Variants in MCTP1 observed in about 807,000 individuals in gnomAD.
MCTP1 encodes the protein multiple C2 and transmembrane domain containing 1.
Under a neutral mutation model 120.6 loss-of-function variants are expected in MCTP1, and 69 were observed. That is an observed-to-expected ratio of 0.57 (90% CI 0.47 to 0.70). The LOEUF is 0.70. MCTP1 is among the 30% of genes least tolerant of loss of function. The probability of loss-of-function intolerance (pLI) is 0.00; values close to 1 mark genes in which losing one functional copy is unlikely to be tolerated. For synonymous variants in MCTP1, 529 were observed against 493.1 expected (o/e 1.07, Z -0.96); for missense variants, 1,203 against 1,248.8 (o/e 0.96, Z 0.55).
intron 19 of MCTP1, among the ~76,000 whole-genome samples, chr5:94,755,656 G>A (rs1005103129): frequency 3.9e-5 from 6 of 152,094 alleles, no homozygotes; most frequent in Non-Finnish European, 7.4e-5. Flanking sequence ...GGGACCCTTC[G>A]GATTCCCCTC....
At chr5:95,212,858 G>A (rs961178319) in intron 1 of MCTP1, among the ~76,000 whole-genome samples, 5 of 152,100 alleles carry the variant, frequency 3.3e-5, no homozygotes, top group African/African-American at 9.7e-5. Flanking sequence ...TTCACGGGAC[G>A]TATCTCAAAA....
Position 94,985,627 on chromosome 5 carries a change from A to C in MCTP1, c.838+31740T>G. On this transcript the variant is annotated intron_variant, in intron 2 of 22. Transcript: ENST00000515393. Reference sequence around the variant, plus strand: ...GTGATTATGACAAAGTTACTTCATAACTCTTAAAATATGTGAAGTGGGCCT... The same window carrying C: ...GTGATTATGACAAAGTTACTTCATACCTCTTAAAATATGTGAAGTGGGCCT... Among the ~76,000 whole-genome samples, 2 of 152,102 alleles carry C rather than the reference A, an allele frequency of 1.3e-5. 1 individual carries two copies. Among genetic ancestry groups the C allele is most frequent in the African/African-American group, 4.8e-5 (2 of 41,416 alleles).
At chr5:94,970,785 C>T (rs1272711315) in intron 2 of MCTP1, among the ~76,000 whole-genome samples, 1 of 151,866 alleles carries the variant, frequency 6.6e-6, no homozygotes, top group East Asian at 1.9e-4. Context: ...AGAACTTTAA[C>T]TTTCCTATTT....
At chr5:95,240,084 C>A (rs1044827203) in intron 1 of MCTP1, among the ~76,000 whole-genome samples, 5 of 151,956 alleles carry the variant, frequency 3.3e-5, no homozygotes, top group African/African-American at 4.8e-5. Flanking sequence ...TATTTACATA[C>A]AAATTTCATA....
chr5:94,996,500 C>T (rs1308871506), intron 2 of MCTP1, among the ~76,000 whole-genome samples: 1 of 152,058 alleles, frequency 6.6e-6, no homozygotes, highest in Non-Finnish European at 1.5e-5. Context: ...TGCCCAAGTC[C>T]CTGATAGAAA....
chr5:95,273,786 A>G (rs1430886569), intron 1 of MCTP1, among the ~76,000 whole-genome samples: 1 of 152,172 alleles, frequency 6.6e-6, no homozygotes, highest in African/African-American at 2.4e-5. Flanking sequence ...ACCCAGGGGG[A>G]AAAAAGATGT....
At chr5:95,020,652 G>A (rs1838030014) in intron 1 of MCTP1, among the ~76,000 whole-genome samples, 1 of 151,706 alleles carries the variant, frequency 6.6e-6, no homozygotes, top group African/African-American at 2.4e-5. Context: ...TTCTTATCTT[G>A]CCTGATAATG....
At chr5:94,731,283 C>G (rs924497537) in intron 19 of MCTP1, among the ~76,000 whole-genome samples, 1 of 151,912 alleles carries the variant, frequency 6.6e-6, no homozygotes, top group Non-Finnish European at 1.5e-5. Context: ...CCATTGTGGC[C>G]CAGGGAAGTC....
At position 94,815,074 on chromosome 5, in the gene MCTP1, G is replaced by A. The variant is rs149420368; in HGVS notation, c.2437-15942C>T. Reference sequence around the variant, plus strand: ...TATGAGGGATTTGTTTTATTTTTCCGGTCAGCAACAGTCAGTGCCTCCCTT... The same window carrying A: ...TATGAGGGATTTGTTTTATTTTTCCAGTCAGCAACAGTCAGTGCCTCCCTT... On this transcript the variant is annotated intron_variant, in intron 17 of 22. Transcript: ENST00000515393. 2.3e-4 allele frequency among the ~76,000 whole-genome samples: 35 copies of A among 152,180 alleles called. No homozygotes were observed. The East Asian group carries it at 6.2e-3, about 27-fold the overall frequency.
intron 2 of MCTP1, among the ~76,000 whole-genome samples, chr5:94,976,184 G>C (rs953830870): frequency 3.9e-5 from 6 of 152,094 alleles, no homozygotes; most frequent in African/African-American, 1.4e-4. Flanking sequence ...GTAAGCATTT[G>C]CCATTTCTAC....
At chr5:94,817,845 GTTC>G (rs1264066877) in intron 17 of MCTP1, among the ~76,000 whole-genome samples, 9 of 152,154 alleles carry the variant, frequency 5.9e-5, no homozygotes, top group East Asian at 1.9e-4. Context: ...GGGCTCTCTT[GTTC>G]TTCTGTTCAG....
intron 2 of MCTP1, among the ~76,000 whole-genome samples, chr5:94,997,413 C>T (rs754879914): frequency 2.0e-5 from 3 of 152,208 alleles, no homozygotes; most frequent in Non-Finnish European, 4.4e-5. Context: ...GAGTCATCAC[C>T]ATGGCTAGAC....
At chr5:95,256,001 T>C (rs909407000) in intron 1 of MCTP1, among the ~76,000 whole-genome samples, 1 of 152,124 alleles carries the variant, frequency 6.6e-6, no homozygotes, top group Non-Finnish European at 1.5e-5. Flanking sequence ...TGCTCTCAAA[T>C]AAAGGGCTAA....
intron 1 of MCTP1, among the ~76,000 whole-genome samples, chr5:95,128,065 A>T (rs1758765107): frequency 6.6e-6 from 1 of 152,206 alleles, no homozygotes; most frequent in Non-Finnish European, 1.5e-5. Context: ...TATTTTTGAC[A>T]GTTCACTCTG....
At chr5:94,812,668 G>A (rs779277392) in intron 17 of MCTP1, among the ~76,000 whole-genome samples, 1 of 151,894 alleles carries the variant, frequency 6.6e-6, no homozygotes, top group Non-Finnish European at 1.5e-5. Flanking sequence ...GGAGGCTGAG[G>A]TAGGTGATCG....
At chr5:94,736,456 C>T (rs1311494038) in intron 19 of MCTP1, among the ~76,000 whole-genome samples, 1 of 152,120 alleles carries the variant, frequency 6.6e-6, no homozygotes, top group Non-Finnish European at 1.5e-5. Context: ...GCACTCCAGC[C>T]TGGGTGACAG....
At chr5:95,050,288 T>C (rs140441156) in intron 1 of MCTP1, among the ~76,000 whole-genome samples, 1 of 152,212 alleles carries the variant, frequency 6.6e-6, no homozygotes, top group East Asian at 1.9e-4. Context: ...AATAAAACGT[T>C]TTTGTGTAAG....
At chr5:94,920,987 A>G (rs1811522631) in intron 7 of MCTP1, among the ~76,000 whole-genome samples, 1 of 152,106 alleles carries the variant, frequency 6.6e-6, no homozygotes, top group East Asian at 1.9e-4. Flanking sequence ...TCCACTTAAA[A>G]AATATTTAAA....
intron 1 of MCTP1, among the ~76,000 whole-genome samples, chr5:95,180,839 T>A (rs1033720158): frequency 6.6e-6 from 1 of 152,170 alleles, no homozygotes; most frequent in Non-Finnish European, 1.5e-5. Flanking sequence ...TTCTCCATCT[T>A]TATATATCAT....
Sources: gnomAD v4.1 joint callset for allele counts (sites outside exome capture counted in the v4.1 genomes callset) on GRCh38, gnomAD v4.1.1 for gene constraint, MANE v1.5 for transcripts, NCBI Gene and HGNC (gene_info 2026-07-23, HGNC 2026-07-21) for gene names.